The following CRPPA variants were observed in gnomAD, a reference collection of about 807,000 sequenced individuals.
CRPPA encodes CDP-L-ribitol pyrophosphorylase A, also known as D-ribitol-5-phosphate cytidylyltransferase.
A neutral mutation model predicts 52.0 loss-of-function variants in CRPPA; 43 were observed. The observed-to-expected ratio is 0.83, with a 90% CI of 0.65 to 1.07. CRPPA has a LOEUF of 1.07. Among genes scored for constraint, CRPPA ranks in the 50% least tolerant of loss-of-function variants. The pLI is 0.00. For missense variants in CRPPA, 629 were observed against 551.7 expected, an observed-to-expected ratio of 1.14 and a Z score of -1.40; for synonymous variants, 250 against 203.5, an observed-to-expected ratio of 1.23 and a Z score of -1.94.
At chr7:16,194,368 AGATACTT>A (rs918321454) in intron 9 of CRPPA, among the ~76,000 whole-genome samples, 10 of 152,112 alleles carry the variant, frequency 6.6e-5, no homozygotes, top group African/African-American at 2.2e-4. Context: ...TTACACACAC[AGATACTT>A]TTGTTACCAC....
chr7:16,417,864 G>C (rs79978832), intron 1 of CRPPA, among the ~76,000 whole-genome samples: 2,725 of 152,152 alleles, frequency 0.018, 71 homozygotes, highest in African/African-American at 0.062. Context: ...CATTCTCTTA[G>C]AATAACCTAA....
At chr7:16,265,672 C>T (rs971454317) in intron 6 of CRPPA, among the ~76,000 whole-genome samples, 20 of 151,814 alleles carry the variant, frequency 1.3e-4, no homozygotes, top group African/African-American at 4.6e-4. Context: ...CACTTCTTAA[C>T]TTCCACTTTT....
intron 1 of CRPPA, among the ~76,000 whole-genome samples, chr7:16,410,765 A>G (rs1316984642): frequency 6.6e-6 from 1 of 152,074 alleles, no homozygotes; most frequent in African/African-American, 2.4e-5. Flanking sequence ...AGGTATTTGC[A>G]TGTGCTGCTT....
rs1270080948 is a variant in CRPPA, at chr7:16,317,599, T to C, written c.685-8972A>G. On this transcript the variant is annotated intron_variant, in intron 3 of 9. Coordinates refer to ENST00000407010, the MANE Select transcript of CRPPA (RefSeq NM_001101426.4). ...AAAATAGTGGGATTTATTTCTTTTG[T>C]GGCTAAGTAACATTCCAGTGGGTGC... Among the ~76,000 whole-genome samples, 3 of 152,268 alleles carry C rather than the reference T, an allele frequency of 2.0e-5. No individual in the cohort carries two copies. In the South Asian group the frequency reaches 6.2e-4, roughly 32 times the overall value.
rs2128361106 is a variant in CRPPA, at chr7:16,091,802, G to A, written c.1252-3C>T. 2.1e-6 allele frequency: 3 copies of A among 1,449,140 alleles called. No individual in the cohort carries two copies. The highest frequency in any genetic ancestry group is 2.5e-5 in the East Asian group (1 of 39,288). 89.8% of individuals were successfully genotyped at this position (1,449,140 alleles called of 1,614,324 possible). On this transcript the variant is annotated splice_region_variant and splice_polypyrimidine_tract_variant and intron_variant, in intron 9 of 9. Transcript: ENST00000407010. The stretch of plus-strand genomic sequence containing the variant: ...CTCTCCTGTAGCTTCTGATCATCCT[G>A]AAAAGAAAGGATAAACCAGTAATAT...
At chr7:16,356,795 C>A (rs548710805) in intron 3 of CRPPA, among the ~76,000 whole-genome samples, 39 of 152,124 alleles carry the variant, frequency 2.6e-4, no homozygotes, top group Non-Finnish European at 5.0e-4. Flanking sequence ...TTCTATTGAC[C>A]TATTTTCTTA....
At chr7:16,269,099 A>G (rs923053146) in intron 6 of CRPPA, 1 of 152,254 alleles carries the variant, frequency 6.6e-6, no homozygotes, top group African/African-American at 2.4e-5. Flanking sequence ...TTGGCCCGGT[A>G]GAGAGGTACT....
intron 8 of CRPPA, among the ~76,000 whole-genome samples, chr7:16,217,134 C>G (rs1364620509): frequency 2.0e-5 from 3 of 147,860 alleles, no homozygotes; most frequent in Non-Finnish European, 4.5e-5. Context: ...TCCCTGACCC[C>G]TGACCCCCGA....
intron 9 of CRPPA, among the ~76,000 whole-genome samples, chr7:16,189,052 C>G (rs1266826300): frequency 1.3e-5 from 2 of 152,158 alleles, no homozygotes; most frequent in African/African-American, 4.8e-5. Context: ...GTTCCAACAT[C>G]ATTCGATGTC....
intron 4 of CRPPA, among the ~76,000 whole-genome samples, chr7:16,306,657 C>T (rs777636949): frequency 2.6e-4 from 40 of 152,262 alleles, no homozygotes; most frequent in Non-Finnish European, 4.7e-4. Context: ...TTAGAGTTTC[C>T]GCCTTTTTTC....
At chr7:16,292,038 C>T (rs745887769) in intron 5 of CRPPA, among the ~76,000 whole-genome samples, 10 of 151,860 alleles carry the variant, frequency 6.6e-5, no homozygotes, top group African/African-American at 1.7e-4. Flanking sequence ...TCCCTAATCA[C>T]GCAACATAAT....
At chr7:16,408,108 T>TAAAA (rs912306940) in intron 1 of CRPPA, among the ~76,000 whole-genome samples, 6 of 138,592 alleles carry the variant, frequency 4.3e-5, no homozygotes, top group Non-Finnish European at 6.2e-5. Context: ...ACTCTGTCTT[T>TAAAA]AAAAAAAAAA....
intron 2 of CRPPA, among the ~76,000 whole-genome samples, chr7:16,394,571 G>T (rs772218133): frequency 1.3e-5 from 2 of 152,096 alleles, no homozygotes; most frequent in Non-Finnish European, 2.9e-5. Context: ...AGACACAGAG[G>T]TATACAAAGT....
intron 9 of CRPPA, among the ~76,000 whole-genome samples, chr7:16,126,235 T>G (rs1323834385): frequency 6.6e-6 from 1 of 152,116 alleles, no homozygotes; most frequent in African/African-American, 2.4e-5. Flanking sequence ...ATTAAAGAAC[T>G]GGCAACAAGT....
Position 16,399,413 on chromosome 7 carries a change from G to A in CRPPA, c.534+6648C>T, listed in dbSNP as rs542785228. 1.7e-3 allele frequency among the ~76,000 whole-genome samples: 195 copies of A among 113,940 alleles called. 3 individuals carry two copies. The East Asian group carries it at 0.052, about 30-fold the overall frequency. The allele number at this position is 113,940 out of a possible 152,430, so 74.7% of individuals were successfully genotyped here. On this transcript the variant is annotated intron_variant, in intron 2 of 9. Transcript: ENST00000407010. ...AGTGATTGGCATGTGACACCTTTGT[G>A]ACATGTGACAAGTGACAAGATTGGC...
intron 5 of CRPPA, among the ~76,000 whole-genome samples, chr7:16,286,062 T>TAATATTTAAAAAAAA (rs1562608493): frequency 9.3e-5 from 3 of 32,370 alleles, no homozygotes; most frequent in African/African-American, 4.0e-4. Flanking sequence ...TATATATATA[T>TAATATTTAAAAAAAA]ATATATATAT....
At chr7:16,361,340 C>A (rs945618382) in intron 3 of CRPPA, among the ~76,000 whole-genome samples, 1 of 152,194 alleles carries the variant, frequency 6.6e-6, no homozygotes, top group Non-Finnish European at 1.5e-5. Context: ...GTCATACTTT[C>A]CAGTATTTCC....
At chr7:16,400,113 A>G (rs987992033) in intron 2 of CRPPA, among the ~76,000 whole-genome samples, 4 of 151,812 alleles carry the variant, frequency 2.6e-5, no homozygotes, top group Non-Finnish European at 4.4e-5. Flanking sequence ...AGTGTGATAC[A>G]TGACCAACAC....
intron 8 of CRPPA, among the ~76,000 whole-genome samples, chr7:16,239,137 C>CAAAAAAAAAAAAAAAAAAAAAAA: frequency 1.1e-5 from 1 of 88,526 alleles, no homozygotes; most frequent in Non-Finnish European, 2.2e-5. Flanking sequence ...GACTCTGTCT[C>CAAAAAAAAAAAAAAAAAAAAAAA]AAAAAAAAAA....
Sources: gnomAD v4.1 joint callset for allele counts (sites outside exome capture counted in the v4.1 genomes callset) on GRCh38, gnomAD v4.1.1 for gene constraint, MANE v1.5 for transcripts, NCBI Gene and HGNC (gene_info 2026-07-23, HGNC 2026-07-21) for gene names.